The following PARN variants were observed in gnomAD, a reference collection of about 807,000 sequenced individuals.
PARN encodes the protein poly(A)-specific ribonuclease PARN.
A neutral mutation model predicts 102.8 loss-of-function variants in PARN; 71 were observed. The ratio of observed to expected loss-of-function variants is 0.69; its 90% CI spans 0.57 to 0.84. The LOEUF is 0.84. PARN is among the 40% of genes least tolerant of loss of function. PARN has a pLI of 0.00. For synonymous variants in PARN, 261 were observed against 252.9 expected (o/e 1.03, Z -0.30); for missense variants, 782 against 760.9 (o/e 1.03, Z -0.33).
chr16:14,459,884 T>G (rs1567292026), intron 22 of PARN, among the ~76,000 whole-genome samples: 1 of 152,186 alleles, frequency 6.6e-6, no homozygotes, highest in Non-Finnish European at 1.5e-5. Flanking sequence ...GGAGTTGTAA[T>G]TCAGTAATTT....
At chr16:14,451,126 C>T (rs1428166476) in intron 22 of PARN, among the ~76,000 whole-genome samples, 2 of 152,172 alleles carry the variant, frequency 1.3e-5, no homozygotes, top group Admixed American at 1.3e-4. Context: ...TGAAGTTCAT[C>T]GTCCGTACTC....
chr16:14,450,981 A>G (rs938789652), intron 22 of PARN, among the ~76,000 whole-genome samples: 1 of 151,454 alleles, frequency 6.6e-6, no homozygotes, highest in Non-Finnish European at 1.5e-5. Flanking sequence ...AAAAACTCCG[A>G]CTCTCCACTA....
At chr16:14,581,318 C>A (rs1446249874) in intron 17 of PARN, among the ~76,000 whole-genome samples, 2 of 152,138 alleles carry the variant, frequency 1.3e-5, no homozygotes, top group Non-Finnish European at 2.9e-5. Context: ...TCCTAAAGTG[C>A]TGGGATTACA....
At chr16:14,618,484 ACT>A (rs1460106528) in intron 5 of PARN, among the ~76,000 whole-genome samples, 2 of 142,066 alleles carry the variant, frequency 1.4e-5, no homozygotes, top group East Asian at 2.1e-4. Flanking sequence ...ACAGAGCAAG[ACT>A]CTGTCTCAAA....
intron 21 of PARN, among the ~76,000 whole-genome samples, chr16:14,531,165 G>C (rs969220942): frequency 6.6e-6 from 1 of 152,142 alleles, no homozygotes; most frequent in African/African-American, 2.4e-5. Context: ...CCAACAGAGT[G>C]AAACCCCATC....
At chr16:14,576,910 T>C (rs16963800) in intron 18 of PARN, among the ~76,000 whole-genome samples, 18,613 of 152,266 alleles carry the variant, frequency 0.12, 1,182 homozygotes, top group East Asian at 0.24. Context: ...CATTCAGTCT[T>C]TGCATACTGC....
intron 22 of PARN, among the ~76,000 whole-genome samples, chr16:14,454,218 T>C (rs1402914156): frequency 6.6e-6 from 1 of 152,178 alleles, no homozygotes. Context: ...TGATGGCTCA[T>C]GCCTGTAATC....
intron 23 of PARN, 50 bp from the exon 24 acceptor site, chr16:14,436,822 T>G: frequency 1.5e-6 from 2 of 1,343,514 alleles, no homozygotes; most frequent in Non-Finnish European, 1.0e-6. Context: ...GGACGGCACC[T>G]TGAGGAGAGC....
rs796619280 is a variant in PARN at position 14,460,475 on chromosome 16, C to T, written c.1671-13394G>A. ...AACGGAAGGGTGAGTATTCTACACT[C>T]GTACTCCTTTGTAAGTTTGAATCAT... On this transcript the variant is annotated intron_variant, in intron 22 of 23. Transcript: ENST00000437198. 2.4e-4 allele frequency among the ~76,000 whole-genome samples: 37 copies of T among 152,280 alleles called. 1 individual carries two copies. The highest frequency in any genetic ancestry group is 8.9e-4 in the African/African-American group (37 of 41,564).
At chr16:14,602,908 C>G (rs1446654119) in intron 11 of PARN, among the ~76,000 whole-genome samples, 1 of 151,892 alleles carries the variant, frequency 6.6e-6, no homozygotes, top group African/African-American at 2.4e-5. Context: ...ACACATGCTG[C>G]AATCATCTCG....
At chr16:14,504,261 T>C (rs951176453) in intron 21 of PARN, among the ~76,000 whole-genome samples, 1 of 152,102 alleles carries the variant, frequency 6.6e-6, no homozygotes, top group Non-Finnish European at 1.5e-5. Flanking sequence ...TCATTAAAAA[T>C]TATGTGAGGT....
At chr16:14,587,945 G>T (rs772011173) in intron 13 of PARN, among the ~76,000 whole-genome samples, 1 of 152,224 alleles carries the variant, frequency 6.6e-6, no homozygotes, top group Non-Finnish European at 1.5e-5. Flanking sequence ...CACGCAATGT[G>T]TTATGTTACG....
At chr16:14,531,644 G>A (rs763934409) in intron 21 of PARN, among the ~76,000 whole-genome samples, 11 of 152,198 alleles carry the variant, frequency 7.2e-5, no homozygotes, top group Middle Eastern at 3.4e-3. Flanking sequence ...GTTTGGGTAC[G>A]TCCGTCAATT....
intron 9 of PARN, among the ~76,000 whole-genome samples, chr16:14,607,409 T>C (rs1596841822): frequency 6.6e-6 from 1 of 152,042 alleles, no homozygotes; most frequent in African/African-American, 2.4e-5. Flanking sequence ...GGTTTCACCA[T>C]GTTGGCCAGG....
chr16:14,536,133 T>C (rs1039030804), intron 21 of PARN, among the ~76,000 whole-genome samples: 3 of 152,210 alleles, frequency 2.0e-5, no homozygotes, highest in Non-Finnish European at 2.9e-5. Context: ...GAAAGATTTA[T>C]TGGTAACATT....
intron 22 of PARN, among the ~76,000 whole-genome samples, chr16:14,463,567 ATGT>A (rs1962119262): frequency 6.6e-6 from 1 of 152,160 alleles, no homozygotes; most frequent in Non-Finnish European, 1.5e-5. Context: ...TGCACTCCAT[ATGT>A]TGAAAATGAT....
At chr16:14,518,888 G>C (rs1177606309) in intron 21 of PARN, among the ~76,000 whole-genome samples, 1 of 152,050 alleles carries the variant, frequency 6.6e-6, no homozygotes, top group African/African-American at 2.4e-5. Flanking sequence ...TCCAACTGGG[G>C]GCATAAGCTC....
At chr16:14,566,276 T>A (rs548874986) in intron 18 of PARN, among the ~76,000 whole-genome samples, 3 of 152,292 alleles carry the variant, frequency 2.0e-5, no homozygotes, top group Admixed American at 6.5e-5. Flanking sequence ...CTCACTGCCA[T>A]CATATGTGTC....
intron 21 of PARN, among the ~76,000 whole-genome samples, chr16:14,497,792 T>C (rs1964392674): frequency 6.6e-6 from 1 of 152,206 alleles, no homozygotes; most frequent in Non-Finnish European, 1.5e-5. Context: ...TCATTAACTG[T>C]GTCTCTGTGG....
Sources: gnomAD v4.1 joint callset for allele counts (sites outside exome capture counted in the v4.1 genomes callset) on GRCh38, gnomAD v4.1.1 for gene constraint, MANE v1.5 for transcripts, NCBI Gene and HGNC (gene_info 2026-07-23, HGNC 2026-07-21) for gene names.